The following ATP10A variants were observed in gnomAD, a reference collection of about 807,000 sequenced individuals.
ATP10A encodes the protein phospholipid-transporting ATPase VA.
A neutral mutation model predicts 147.8 loss-of-function variants in ATP10A; 111 were observed. The ratio of observed to expected loss-of-function variants is 0.75; its 90% CI spans 0.64 to 0.88. The LOEUF (loss-of-function observed/expected upper bound fraction) is 0.88, where lower values mean the gene tolerates loss of function less well. ATP10A is among the 40% of genes least tolerant of loss of function. The pLI is 0.00. For synonymous variants in ATP10A, 875 were observed against 841.6 expected (o/e 1.04, Z -0.69); for missense variants, 1,927 against 1,959.0 (o/e 0.98, Z 0.31).
chr15:25,843,511 C>T (rs1892899283), intron 1 of ATP10A, among the ~76,000 whole-genome samples: 3 of 152,098 alleles, frequency 2.0e-5, no homozygotes, highest in African/African-American at 4.8e-5. Context: ...AAAAGAGTTA[C>T]TCCTCTCTGT....
chr15:25,800,683 G>A (rs1255110554), intron 1 of ATP10A, among the ~76,000 whole-genome samples: 2 of 152,186 alleles, frequency 1.3e-5, no homozygotes, highest in Non-Finnish European at 2.9e-5. Flanking sequence ...ACTTGAAGAT[G>A]TTCATGCAAA....
chr15:25,708,708 A>G (rs1901206669), intron 10 of ATP10A: 1 of 175,098 alleles, frequency 5.7e-6, no homozygotes, highest in Non-Finnish European at 1.2e-5. Context: ...CCTTTTGCCC[A>G]GCCTATTAAA....
chr15:25,721,111 A>G (rs947467278), intron 7 of ATP10A, among the ~76,000 whole-genome samples: 1 of 152,018 alleles, frequency 6.6e-6, no homozygotes, highest in Non-Finnish European at 1.5e-5. Flanking sequence ...GTGTCTCCCC[A>G]GAGACACCAG....
At chr15:25,699,461 T>C (rs1415592457) in intron 13 of ATP10A, among the ~76,000 whole-genome samples, 1 of 152,200 alleles carries the variant, frequency 6.6e-6, no homozygotes, top group Non-Finnish European at 1.5e-5. Flanking sequence ...GGACTGTATC[T>C]ATAGATAAGA....
intron 2 of ATP10A, among the ~76,000 whole-genome samples, chr15:25,767,742 C>G (rs532593301): frequency 3.9e-5 from 6 of 152,222 alleles, no homozygotes; most frequent in African/African-American, 1.4e-4. Flanking sequence ...AAAACTAATG[C>G]GTGCTAGCTG....
intron 7 of ATP10A, among the ~76,000 whole-genome samples, chr15:25,721,226 T>C (rs556893873): frequency 1.8e-4 from 27 of 152,302 alleles, no homozygotes; most frequent in Admixed American, 1.1e-3. Flanking sequence ...AGGAACACTG[T>C]TCCAGGGAAG....
intron 10 of ATP10A, among the ~76,000 whole-genome samples, chr15:25,711,364 C>T (rs892851299): frequency 6.6e-6 from 1 of 152,084 alleles, no homozygotes; most frequent in Non-Finnish European, 1.5e-5. Flanking sequence ...GCACAGTGAG[C>T]CCTCTGCAAT....
intron 1 of ATP10A, among the ~76,000 whole-genome samples, chr15:25,854,703 A>G (rs1040292933): frequency 6.6e-6 from 1 of 152,260 alleles, no homozygotes. Context: ...GTTGTCTTCC[A>G]TGTTGAATTC....
chr15:25,780,973 G>A (rs1434709696), intron 2 of ATP10A, 46 bp downstream of exon 2: 1 of 1,589,114 alleles, frequency 6.3e-7, no homozygotes, highest in African/African-American at 1.3e-5. Flanking sequence ...TGGGGACACT[G>A]TGTGGCTGTA....
chr15:25,716,929 G>C lies in ATP10A; in HGVS notation c.1582-5C>G. The stretch of plus-strand genomic sequence containing the variant: ...GTCGGGCGTGATATCCTTCTCCTGG[G>C]AGAAAGGGAGGCTGGCAGTGAGTCC... On this transcript the variant is annotated splice_region_variant and splice_polypyrimidine_tract_variant and intron_variant, in intron 8 of 20. Transcript: ENST00000555815. 1 of 1,552,522 alleles carries C rather than the reference G, an allele frequency of 6.4e-7. No homozygotes were observed. The highest frequency in any genetic ancestry group is 8.7e-7 in the Non-Finnish European group (1 of 1,146,186).
At chr15:25,687,923 A>G (rs778128749) in intron 15 of ATP10A, 95 bp from the exon 16 acceptor site, 91 of 1,565,014 alleles carry the variant, frequency 5.8e-5, no homozygotes, top group Non-Finnish European at 7.6e-5. Flanking sequence ...ACAGGGAAGG[A>G]AAATCCCCAT....
At chr15:25,823,687 G>A (rs1432381806) in intron 1 of ATP10A, among the ~76,000 whole-genome samples, 1 of 152,122 alleles carries the variant, frequency 6.6e-6, no homozygotes, top group Non-Finnish European at 1.5e-5. Context: ...TTTCTATAAG[G>A]CAAGCAAAAA....
chr15:25,768,036 G>A (rs931886248), intron 2 of ATP10A, among the ~76,000 whole-genome samples: 2 of 152,250 alleles, frequency 1.3e-5, no homozygotes, highest in African/African-American at 4.8e-5. Context: ...CCTCACCCCT[G>A]TGAGGCTGGT....
intron 1 of ATP10A, among the ~76,000 whole-genome samples, chr15:25,855,465 G>A (rs996598235): frequency 1.3e-5 from 2 of 151,138 alleles, no homozygotes; most frequent in Admixed American, 6.6e-5. Flanking sequence ...AACAAAGTAG[G>A]AACAAAAGGG....
chr15:25,727,099 G>C, intron 4 of ATP10A, 61 bp downstream of exon 4: 2 of 1,200,946 alleles, frequency 1.7e-6, no homozygotes, highest in Non-Finnish European at 2.4e-6. Flanking sequence ...AAACAGTGAG[G>C]GGAAGTGCTG....
chr15:25,711,057 G>T (rs564705043), intron 10 of ATP10A, among the ~76,000 whole-genome samples: 2 of 152,080 alleles, frequency 1.3e-5, no homozygotes, highest in African/African-American at 4.8e-5. Context: ...CATCCCAGCC[G>T]TAAGTGTAGA....
chr15:25,806,529 G>T (rs1025144439), intron 1 of ATP10A, among the ~76,000 whole-genome samples: 33 of 151,856 alleles, frequency 2.2e-4, no homozygotes, highest in Non-Finnish European at 3.8e-4. Flanking sequence ...AGCCAGGATG[G>T]TCTCGATCTC....
chr15:25,802,967 A>G (rs539552491), intron 1 of ATP10A, among the ~76,000 whole-genome samples: 70 of 152,302 alleles, frequency 4.6e-4, no homozygotes, highest in African/African-American at 1.5e-3. Context: ...CATTTTACAT[A>G]TGAGGGTGTG....
intron 2 of ATP10A, among the ~76,000 whole-genome samples, chr15:25,746,870 C>G (rs1887868504): frequency 6.6e-6 from 1 of 151,914 alleles, no homozygotes. Context: ...CATATGACAC[C>G]CAAAGGAAAT....
Sources: allele counts gnomAD v4.1 joint callset (sites outside exome capture counted in the v4.1 genomes callset), GRCh38; gene constraint gnomAD v4.1.1; transcripts MANE v1.5; gene names NCBI Gene and HGNC (gene_info 2026-07-23, HGNC 2026-07-21).